Variants in RGS20 observed in about 807,000 individuals in gnomAD.
RGS20 encodes the protein gz-selective GTPase-activating protein.
A neutral mutation model predicts 33.6 loss-of-function variants in RGS20; 30 were observed. The observed-to-expected ratio is 0.89, with a 90% confidence interval of 0.67 to 1.21. The LOEUF (loss-of-function observed/expected upper bound fraction) is 1.21, where lower values mean the gene tolerates loss of function less well. Ranked by LOEUF, RGS20 falls within the 50% of genes most tolerant of loss-of-function variation. RGS20 has a pLI of 0.00. For synonymous variants in RGS20, 208 were observed against 197.9 expected (o/e 1.05, Z -0.43); for missense variants, 472 against 502.4 (o/e 0.94, Z 0.58).
chr8:53,935,080 C>G (rs1814091665), intron 2 of RGS20, among the ~76,000 whole-genome samples: 1 of 152,038 alleles, frequency 6.6e-6, no homozygotes, highest in Non-Finnish European at 1.5e-5. Flanking sequence ...AAGACACAAC[C>G]TACCAGTATC....
chr8:53,946,759 A>C lies in RGS20; in HGVS notation c.743+11A>C. The C allele has an allele frequency of 6.2e-7, 1 of 1,610,632 alleles. No homozygotes were observed. Among genetic ancestry groups the C allele is most frequent in the South Asian group, 1.1e-5 (1 of 90,694 alleles). Reference sequence around the variant, plus strand: ...AACCTGGGAAGAAAGGTGAAATCACACGTTTTTTTTACCTCACTAAACTAA... The same window carrying C: ...AACCTGGGAAGAAAGGTGAAATCACCCGTTTTTTTTACCTCACTAAACTAA... On this transcript the variant is annotated intron_variant, in intron 4 of 5. Transcript: ENST00000297313.
In RGS20 at chr8:53,942,214, G is replaced by A. The variant is rs182460714; in HGVS notation, c.659+2490G>A. Among the ~76,000 whole-genome samples the A allele has an allele frequency of 6.9e-3, 1,046 of 151,998 alleles. 14 individuals carry two copies. The highest frequency in any genetic ancestry group is 0.024 in the African/African-American group (1,007 of 41,478). Reference sequence around the variant, plus strand: ...CTTGAACCTGGGAGGCAGAGGTTTCGGTGAGCCGAGATTGCACCATTGCAC... The same window carrying A: ...CTTGAACCTGGGAGGCAGAGGTTTCAGTGAGCCGAGATTGCACCATTGCAC... On this transcript the variant is annotated intron_variant, in intron 3 of 5. Coordinates refer to ENST00000297313, the MANE Select transcript of RGS20 (RefSeq NM_170587.4).
chr8:53,873,415 G>A (rs1052529520), intron 1 of RGS20, among the ~76,000 whole-genome samples: 12 of 152,168 alleles, frequency 7.9e-5, no homozygotes, highest in Non-Finnish European at 7.3e-5. Flanking sequence ...TCAGCCTCTA[G>A]TAACCTCTAT....
chr8:53,882,509 C>G (rs559605832), intron 2 of RGS20, among the ~76,000 whole-genome samples: 3 of 152,222 alleles, frequency 2.0e-5, no homozygotes, highest in South Asian at 4.2e-4. Flanking sequence ...GAGAAGTGAA[C>G]GTGGTCTACA....
chr8:53,934,610 C>A (rs912145760), intron 2 of RGS20, among the ~76,000 whole-genome samples: 1 of 152,148 alleles, frequency 6.6e-6, no homozygotes, highest in Non-Finnish European at 1.5e-5. Flanking sequence ...ATTCATAAAG[C>A]AAGTTCTTAG....
Position 53,861,200 on chromosome 8 carries a change from C to A in RGS20, c.165+9136C>A, listed in dbSNP as rs527265037. On this transcript the variant is annotated intron_variant, in intron 1 of 5. Transcript: ENST00000297313. ...ACGCCTCAGAGATAATTCTACACAT[C>A]TTCTCTGTTTATCTCCTATTCCCAC... Among the ~76,000 whole-genome samples the A allele has an allele frequency of 1.8e-4, 28 of 152,276 alleles. No individual in the cohort carries two copies. The Middle Eastern group carries it at 0.014, about 74-fold the overall frequency.
chr8:53,860,602 C>T (rs1485470226), intron 1 of RGS20, among the ~76,000 whole-genome samples: 1 of 152,168 alleles, frequency 6.6e-6, no homozygotes, highest in Non-Finnish European at 1.5e-5. Flanking sequence ...ATAGCTGTGG[C>T]TCCATGTTCT....
chr8:53,866,042 G>A lies in RGS20; in HGVS notation c.166-13216G>A, dbSNP rs191257764. ...CCCCAACGTGAGAGAGCTTCCTGAGGGAAATGGCATCTAAGCTGAGACTTG... is the reference window on the plus strand; with the variant it reads ...CCCCAACGTGAGAGAGCTTCCTGAGAGAAATGGCATCTAAGCTGAGACTTG... On this transcript the variant is annotated intron_variant, in intron 1 of 5. Transcript: ENST00000297313. Among the ~76,000 whole-genome samples, 7 of 152,286 alleles carry A rather than the reference G, an allele frequency of 4.6e-5. No individual in the cohort carries two copies. In the East Asian group the frequency reaches 1.4e-3, roughly 29 times the overall value.
intron 2 of RGS20, chr8:53,880,879 G>A: frequency 6.8e-7 from 1 of 1,473,080 alleles, no homozygotes; most frequent in Admixed American, 2.3e-5. Context: ...GGCAGAGCAA[G>A]GGGAGGAAGA....
intron 2 of RGS20, among the ~76,000 whole-genome samples, chr8:53,888,688 C>T (rs537452369): frequency 3.5e-4 from 53 of 152,248 alleles, no homozygotes; most frequent in African/African-American, 1.2e-3. Flanking sequence ...TATTTTCAGC[C>T]CCCCGTGCTC....
At position 53,851,990 on chromosome 8, in the gene RGS20, G is replaced by A. The variant is rs144848624; in HGVS notation, c.91G>A (p.Ala31Thr). Residue 31 changes from alanine to threonine, a missense_variant, in exon 1 of 6, where the codon GCT becomes ACT. Transcript: ENST00000297313. Reference sequence around the variant, plus strand: ...GACACAGTTTCTGCCCCTGTTCAGGGCTCAGAGATATAATACAGACATTCA... The same window carrying A: ...GACACAGTTTCTGCCCCTGTTCAGGACTCAGAGATATAATACAGACATTCA... 1.4e-3 allele frequency: 2,250 copies of A among 1,614,172 alleles called. 31 individuals are homozygous for A. In the South Asian group the frequency reaches 0.017, roughly 12 times the overall value.
At chr8:53,874,410 G>GCA (rs1563349622) in intron 1 of RGS20, among the ~76,000 whole-genome samples, 43 of 131,568 alleles carry the variant, frequency 3.3e-4, no homozygotes, top group African/African-American at 1.3e-3. Context: ...GTGCGCGCGC[G>GCA]TGTGCTTGCG....
At chr8:53,939,918 G>A (rs1814241722) in intron 3 of RGS20, among the ~76,000 whole-genome samples, 194 bp downstream of exon 2, 1 of 152,224 alleles carries the variant, frequency 6.6e-6, no homozygotes, top group Admixed American at 6.5e-5. Context: ...TAGCTCTCAA[G>A]GGGTTTATGC....
At chr8:53,908,448 TGG>T (rs1813244326) in intron 2 of RGS20, among the ~76,000 whole-genome samples, 1 of 152,162 alleles carries the variant, frequency 6.6e-6, no homozygotes, top group South Asian at 2.1e-4. Flanking sequence ...GAGACCAGCC[TGG>T]GCCACATGGT....
chr8:53,947,264 CTA>C (rs1200377464), intron 4 of RGS20, among the ~76,000 whole-genome samples: 1 of 140,240 alleles, frequency 7.1e-6, no homozygotes, highest in African/African-American at 2.6e-5. Flanking sequence ...TTTATACATG[CTA>C]TATAAGATAT....
intron 3 of RGS20, among the ~76,000 whole-genome samples, 180 bp downstream of exon 2, chr8:53,939,904 T>C (rs1814241510): frequency 6.6e-6 from 1 of 152,220 alleles, no homozygotes. Context: ...AGGCTGCATC[T>C]GTCTAGCTCT....
intron 3 of RGS20, among the ~76,000 whole-genome samples, chr8:53,943,901 A>G (rs1317893563): frequency 6.6e-6 from 1 of 151,844 alleles, no homozygotes; most frequent in Non-Finnish European, 1.5e-5. Flanking sequence ...AGAAGCCATT[A>G]TTTACTGAAA....
chr8:53,873,543 T>C (rs575134522), intron 1 of RGS20, among the ~76,000 whole-genome samples: 1 of 152,364 alleles, frequency 6.6e-6, no homozygotes, highest in Non-Finnish European at 1.5e-5. Context: ...TTAAGGTTCA[T>C]CTATGTCATA....
rs112624355 is a variant in RGS20, at chr8:53,944,345, A to G, written c.660-2320A>G. ...ACAAGGTCAGCAATTCAAGACCAGC[A>G]GGACCAACATAGTGAAACCCCGTCT... On this transcript the variant is annotated intron_variant, in intron 3 of 5. Transcript: ENST00000297313. Among the ~76,000 whole-genome samples, 836 of 152,240 alleles carry G rather than the reference A, an allele frequency of 5.5e-3. 6 individuals carry two copies. Among genetic ancestry groups the G allele is most frequent in the African/African-American group, 0.019 (786 of 41,558 alleles).
Sources: allele counts gnomAD v4.1 joint callset (sites outside exome capture counted in the v4.1 genomes callset), GRCh38; gene constraint gnomAD v4.1.1; transcripts MANE v1.5; gene names NCBI Gene and HGNC (gene_info 2026-07-23, HGNC 2026-07-21).